ATG13: variants seen among roughly 807,000 people sequenced by gnomAD.
ATG13 encodes the protein autophagy related 13.
A neutral mutation model predicts 65.5 loss-of-function variants in ATG13; 23 were observed. The ratio of observed to expected loss-of-function variants is 0.35; its 90% confidence interval spans 0.25 to 0.50. ATG13 has a LOEUF of 0.50. ATG13 is among the 20% of genes least tolerant of loss of function. The probability of loss-of-function intolerance (pLI) is 0.98; values close to 1 mark genes in which losing one functional copy is unlikely to be tolerated. For synonymous variants in ATG13, 252 were observed against 245.2 expected, an observed-to-expected ratio of 1.03 and a Z score of -0.26; for missense variants, 566 against 677.0, an observed-to-expected ratio of 0.84 and a Z score of 1.82.
Position 46,673,710 on chromosome 11 carries a change from T to C in ATG13, c.*1378T>C, listed in dbSNP as rs1252528353. The C allele has an allele frequency of 6.6e-6, 1 of 152,242 alleles. No individual in the cohort carries two copies. Among genetic ancestry groups the C allele is most frequent in the East Asian group, 1.9e-4 (1 of 5,204 alleles). 9.4% of individuals were successfully genotyped at this position (152,242 alleles called of 1,614,324 possible). A position where few individuals can be genotyped will look rare whatever the true frequency, so the allele number is the denominator to read the frequency against. On this transcript the variant is annotated 3_prime_UTR_variant, in exon 19 of 19. Coordinates refer to ENST00000683050, the MANE Select transcript of ATG13 (RefSeq NM_001346311.2). ...GACTTAACCCTTCAGGTATTGTTAC[T>C]TGAATAAGTCAAGTGCCTAGCCTCA...
intron 17 of ATG13, 113 bp downstream of exon 17, chr11:46,669,023 C>CA (rs899970984): frequency 1.2e-4 from 111 of 915,842 alleles, no homozygotes; most frequent in Admixed American, 6.5e-4. Flanking sequence ...CTGGTGTAGA[C>CA]AGAAGGGATG....
intron 1 of ATG13, among the ~76,000 whole-genome samples, chr11:46,621,988 T>A (rs1471056676): frequency 6.7e-6 from 1 of 149,220 alleles, no homozygotes; most frequent in Non-Finnish European, 1.5e-5. Context: ...ATCTACATCT[T>A]TATGTGTTTG....
chr11:46,644,505 CTG>C (rs2057016886), intron 3 of ATG13, 145 bp downstream of exon 3: 2 of 642,328 alleles, frequency 3.1e-6, no homozygotes, highest in Non-Finnish European at 5.1e-6. Context: ...GTCAACCAAA[CTG>C]TGAGGTATGG....
chr11:46,625,725 A>G (rs1274922686), intron 1 of ATG13, among the ~76,000 whole-genome samples: 1 of 152,168 alleles, frequency 6.6e-6, no homozygotes, highest in Non-Finnish European at 1.5e-5. Flanking sequence ...ATTAACCTGC[A>G]CATTATCTTG....
chr11:46,633,094 G>A (rs1157124435), intron 2 of ATG13, among the ~76,000 whole-genome samples: 2 of 143,058 alleles, frequency 1.4e-5, no homozygotes, highest in African/African-American at 5.2e-5. Context: ...GTGGGATCTC[G>A]GCTCACTGCA....
intron 16 of ATG13, 73 bp downstream of exon 16, chr11:46,668,649 T>TAATCCCCC: frequency 6.5e-7 from 1 of 1,545,540 alleles, no homozygotes; most frequent in South Asian, 1.1e-5. Flanking sequence ...CCAGAGTCAC[T>TAATCCCCC]AATCCCCCAC....
chr11:46,624,577 G>C (rs1174303208), intron 1 of ATG13, among the ~76,000 whole-genome samples: 15 of 151,746 alleles, frequency 9.9e-5, no homozygotes. Context: ...TTCAATTTGA[G>C]CTTGTCCAAT....
intron 12 of ATG13, 95 bp downstream of exon 12, chr11:46,664,190 C>A: frequency 2.0e-6 from 2 of 979,836 alleles, no homozygotes; most frequent in Non-Finnish European, 3.0e-6. Context: ...TTTAAATGTC[C>A]CAAGTGTTCT....
chr11:46,668,846 A>C lies in ATG13; in HGVS notation c.1382A>C (p.His461Pro). 1 of 1,613,968 alleles carries C rather than the reference A, an allele frequency of 6.2e-7. No homozygotes were observed. The highest frequency in any genetic ancestry group is 8.5e-7 in the Non-Finnish European group (1 of 1,180,012). Residue 461 changes from histidine to proline, a missense_variant, in exon 17 of 19, where the codon CAC (histidine) becomes CCC (proline). Coordinates refer to ENST00000683050, the MANE Select transcript of ATG13 (RefSeq NM_001346311.2). ...ETESPLQGSL[H>P]SDGSSGGSSG... Reference sequence around the variant, plus strand: ...GAATCTCCTCTCCAGGGCAGCCTGCACTCAGATGGCTCCAGCGGGGGCAGC... The same window carrying C: ...GAATCTCCTCTCCAGGGCAGCCTGCCCTCAGATGGCTCCAGCGGGGGCAGC...
intron 12 of ATG13, 102 bp from the exon 13 acceptor site, chr11:46,664,747 C>T: frequency 9.5e-7 from 1 of 1,048,498 alleles, no homozygotes; most frequent in African/African-American, 1.6e-5. Context: ...GGGCGGGAGC[C>T]ATTCCTTATC....
chr11:46,657,383 G>C lies in ATG13; in HGVS notation c.597-141G>C, dbSNP rs1315279891. The C allele has an allele frequency of 8.3e-6, 8 of 966,276 alleles. No homozygotes were observed. The East Asian group carries it at 2.0e-4, about 25-fold the overall frequency. 59.9% of individuals were successfully genotyped at this position (966,276 alleles called of 1,614,324 possible). ...GCCAGTTTGTCCAGAACGTAGGATT[G>C]GTGGTTTATATTTAGGGATTGTGAT... On this transcript the variant is annotated intron_variant, in intron 9 of 18. Coordinates refer to ENST00000683050, the MANE Select transcript of ATG13 (RefSeq NM_001346311.2).
intron 13 of ATG13, 38 bp from the exon 14 acceptor site, chr11:46,665,345 T>C: frequency 1.9e-6 from 3 of 1,601,064 alleles, no homozygotes; most frequent in Non-Finnish European, 1.7e-6. Context: ...CTGCCTGGCA[T>C]GCCATGATTC....
chr11:46,626,701 C>G (rs1351371729), intron 1 of ATG13, among the ~76,000 whole-genome samples: 2 of 152,148 alleles, frequency 1.3e-5, no homozygotes, highest in Admixed American at 1.3e-4. Flanking sequence ...AAGTTTCACC[C>G]AGAAATTTTA....
intron 7 of ATG13, among the ~76,000 whole-genome samples, chr11:46,653,485 C>A (rs2059337673): frequency 6.6e-6 from 1 of 151,178 alleles, no homozygotes; most frequent in African/African-American, 2.4e-5. Flanking sequence ...CATTTCTTTT[C>A]TTTCATACAA....
chr11:46,626,376 G>C (rs1233080395), intron 1 of ATG13, among the ~76,000 whole-genome samples: 1 of 151,926 alleles, frequency 6.6e-6, no homozygotes, highest in African/African-American at 2.4e-5. Context: ...TCATCCTCCC[G>C]AGTTGCTGAG....
At position 46,668,863 on chromosome 11, in the gene ATG13, G is replaced by T. The variant is rs35619591; in HGVS notation, c.1399G>T (p.Gly467Trp). ...QGSLHSDGSS[G>W]GSSGNTHDDF... ...CAGCCTGCACTCAGATGGCTCCAGC[G>T]GGGGCAGCAGTGGCAATACCCATGA... The change falls in exon 17 of 19, where the codon GGG (glycine) becomes TGG (tryptophan). Residue 467 changes from glycine (G) to tryptophan (W), a missense_variant. Physicochemically the swap from Gly to Trp is radical, Grantham distance 184 (BLOSUM62 -2). Around this residue, in one of 2 missense-constraint regions of ATG13, gnomAD observed 387 missense variants for 409.8 expected, o/e 0.94. Coordinates refer to ENST00000683050, the MANE Select transcript of ATG13 (RefSeq NM_001346311.2). 8 of 1,613,878 alleles carry T rather than the reference G, an allele frequency of 5.0e-6. No homozygotes were observed. Among genetic ancestry groups the T allele is most frequent in the Admixed American group, 3.3e-5 (2 of 60,014 alleles).
intron 11 of ATG13, 105 bp from the exon 12 acceptor site, chr11:46,663,892 C>A: frequency 1.2e-6 from 1 of 808,700 alleles, no homozygotes; most frequent in Non-Finnish European, 1.9e-6. Flanking sequence ...GTTCTGGCCT[C>A]TCTTGCTACT....
intron 2 of ATG13, among the ~76,000 whole-genome samples, chr11:46,643,289 A>C (rs2056638917): frequency 6.6e-6 from 1 of 152,166 alleles, no homozygotes; most frequent in African/African-American, 2.4e-5. Context: ...CTTGATTGTA[A>C]AAAGGGAGGT....
chr11:46,657,648 C>T (rs1279191676), intron 10 of ATG13, 26 bp downstream of exon 10: 1 of 1,544,170 alleles, frequency 6.5e-7, no homozygotes, highest in Non-Finnish European at 8.8e-7. Flanking sequence ...AGGTGCTCTC[C>T]CAAACTGCAG....
Sources: allele counts gnomAD v4.1 joint callset (sites outside exome capture counted in the v4.1 genomes callset), GRCh38; gene constraint gnomAD v4.1.1; regional missense constraint gnomAD v4.1.1; transcripts MANE v1.5; gene names NCBI Gene and HGNC (gene_info 2026-07-23, HGNC 2026-07-21).